KIF17: variants seen among roughly 807,000 people sequenced by gnomAD.
The protein encoded by KIF17 is kinesin family member 17.
KIF17 carries 80 observed loss-of-function variants against 96.8 expected under a neutral mutation model. The ratio of observed to expected loss-of-function variants is 0.83; its 90% CI spans 0.69 to 1.00. The LOEUF (loss-of-function observed/expected upper bound fraction) is 1.00. KIF17 is among the 50% of genes least tolerant of loss of function. The pLI is 0.00. For missense variants in KIF17, 1,280 were observed against 1,372.9 expected (o/e 0.93, Z 1.07); for synonymous variants, 567 against 587.5 (o/e 0.97, Z 0.51).
intron 5 of KIF17, among the ~76,000 whole-genome samples, chr1:20,703,510 G>C (rs907069385): frequency 0.012 from 1,831 of 151,456 alleles, 39 homozygotes; most frequent in African/African-American, 0.042. Flanking sequence ...ATGGATGGAT[G>C]GATGGATGGA....
intron 5 of KIF17, among the ~76,000 whole-genome samples, chr1:20,702,094 C>T (rs1489079075): frequency 1.3e-5 from 2 of 152,166 alleles, no homozygotes; most frequent in Non-Finnish European, 2.9e-5. Flanking sequence ...TCGTGCTGAG[C>T]CCACACATGC....
At position 20,688,055 on chromosome 1, in the gene KIF17, G is replaced by GT. The variant is rs1298001366; in HGVS notation, c.1382-112dup. ...TGTTTTTTTTGTTTGTTTTTTTTTT[G>GT]TTTTTTTTTGAGACAGAGTCTTGCT... is the stretch of plus-strand genomic sequence containing the variant. On this transcript the variant is annotated intron_variant, in intron 7 of 14. Transcript: ENST00000400463. The GT allele has an allele frequency of 5.2e-3, 4,555 of 873,340 alleles. 72 individuals are homozygous for GT. The highest frequency in any genetic ancestry group is 0.044 in the African/African-American group (2,517 of 57,426). The allele number at this position is 873,340 out of a possible 1,614,324, so 54.1% of individuals were successfully genotyped here.
rs557515421 is a variant in KIF17, at chr1:20,664,488, T to C, written c.*96A>G. Reference sequence around the variant, plus strand: ...AGGGAGCCCTCAGGCCCCGGAGCGCTGTGTGGCAGGTGGGAGGAGACCTGG... The same window carrying C: ...AGGGAGCCCTCAGGCCCCGGAGCGCCGTGTGGCAGGTGGGAGGAGACCTGG... On this transcript the variant is annotated 3_prime_UTR_variant, in exon 15 of 15. Coordinates refer to ENST00000400463, the MANE Select transcript of KIF17 (RefSeq NM_001122819.3). 2.7e-4 allele frequency: 439 copies of C among 1,608,764 alleles called. 2 individuals carry two copies. The highest frequency in any genetic ancestry group is 2.0e-3 in the South Asian group (179 of 90,558).
At chr1:20,697,452 T>G (rs2054162194) in intron 6 of KIF17, among the ~76,000 whole-genome samples, 1 of 151,876 alleles carries the variant, frequency 6.6e-6, no homozygotes, top group Non-Finnish European at 1.5e-5. Context: ...CAAAAAAATT[T>G]AAAAATTAGC....
chr1:20,682,956 C>G, intron 10 of KIF17, 72 bp from the exon 11 acceptor site: 1 of 1,375,166 alleles, frequency 7.3e-7, no homozygotes, highest in Non-Finnish European at 1.0e-6. Flanking sequence ...CCAGCAGGCT[C>G]CAGGCTATGC....
At chr1:20,707,130 C>T (rs1014221831) in intron 4 of KIF17, among the ~76,000 whole-genome samples, 1 of 152,262 alleles carries the variant, frequency 6.6e-6, no homozygotes, top group East Asian at 1.9e-4. Context: ...GGTGCTGCCT[C>T]TTTGGGAAGC....
chr1:20,669,911 C>T lies in KIF17; in HGVS notation c.2790+510G>A, dbSNP rs1158684468. On this transcript the variant is annotated intron_variant, in intron 13 of 14. Coordinates refer to ENST00000400463, the MANE Select transcript of KIF17 (RefSeq NM_001122819.3). Reference sequence around the variant, plus strand: ...AAAAAAAAAAAAAAAAAAACAACCACCACCACCCATGCTTTAAGAACATGC... The same window carrying T: ...AAAAAAAAAAAAAAAAAAACAACCATCACCACCCATGCTTTAAGAACATGC... Among the ~76,000 whole-genome samples the T allele has an allele frequency of 2.4e-5, 3 of 127,248 alleles. No homozygotes were observed. The Admixed American group carries it at 2.5e-4, about 11-fold the overall frequency. The allele number at this position is 127,248 out of a possible 152,430, so 83.5% of individuals were successfully genotyped here.
rs939073184 is a variant in KIF17, at chr1:20,699,820, C to A, written c.1124-1332G>T. Among the ~76,000 whole-genome samples the A allele has an allele frequency of 2.0e-5, 3 of 152,044 alleles. No individual in the cohort carries two copies. ...TGATGGGCAGGACAGGTGGAGAAGT[C>A]CAAGAGGGATAATGCCAGATTGTGA... On this transcript the variant is annotated intron_variant, in intron 5 of 14. Transcript: ENST00000400463. This position sits in a 1 kb window ranked among gnomAD's most constrained non-coding sequence, Gnocchi z 4.3.
intron 13 of KIF17, among the ~76,000 whole-genome samples, chr1:20,667,553 T>C (rs926669990): frequency 2.0e-5 from 3 of 152,076 alleles, no homozygotes; most frequent in Admixed American, 2.0e-4. Context: ...TGTGGAAAAA[T>C]TGTCTTCCAC....
intron 11 of KIF17, among the ~76,000 whole-genome samples, chr1:20,682,169 C>T (rs1485008027): frequency 6.6e-6 from 1 of 152,016 alleles, no homozygotes; most frequent in Non-Finnish European, 1.5e-5. Context: ...CGCATGCGTG[C>T]ACACACATAC....
Position 20,709,160 on chromosome 1 carries a change from G to A in KIF17, c.670+479C>T, listed in dbSNP as rs1260962268. ...AATCCTAACACTTTGGGAGGCCAAG[G>A]CGGGAGTATTGCTTGAGCTCAGGAG... On this transcript the variant is annotated intron_variant, in intron 4 of 14. Coordinates refer to ENST00000400463, the MANE Select transcript of KIF17 (RefSeq NM_001122819.3). The surrounding 1 kb of genome is among the most constrained non-coding windows in gnomAD (Gnocchi z 4.7). 6.6e-6 allele frequency among the ~76,000 whole-genome samples: 1 copy of A among 152,194 alleles called. No individual in the cohort carries two copies. Among genetic ancestry groups the A allele is most frequent in the African/African-American group, 2.4e-5 (1 of 41,448 alleles).
chr1:20,707,809 G>A (rs1369683232), intron 4 of KIF17, among the ~76,000 whole-genome samples: 1 of 146,304 alleles, frequency 6.8e-6, no homozygotes, highest in Non-Finnish European at 1.5e-5. Context: ...GTGTGTGTGT[G>A]TGTGTGTGTG....
chr1:20,715,649 A>AG lies in KIF17; in HGVS notation c.232-11dup, dbSNP rs1182051558. The AG allele has an allele frequency of 6.2e-7, 1 of 1,613,710 alleles. No individual in the cohort carries two copies. The highest frequency in any genetic ancestry group is 2.2e-5 in the East Asian group (1 of 44,884). ...AGCCCTCAGTGACGCCCTGCATGGG[A>AG]GGAAGGCAGGACCCCGTGCTCAGTG... On this transcript the variant is annotated splice_polypyrimidine_tract_variant and intron_variant, in intron 1 of 14. Coordinates refer to ENST00000400463, the MANE Select transcript of KIF17 (RefSeq NM_001122819.3).
At position 20,683,026 on chromosome 1, in the gene KIF17, C is replaced by T. The variant is rs576701111; in HGVS notation, c.2232-142G>A. ...CACAGGGAGGGAAACCGAGGCTCGG[C>T]GACAGGACGCTGCTTGCTCAGGGTC... On this transcript the variant is annotated intron_variant, in intron 10 of 14. Transcript: ENST00000400463. The T allele has an allele frequency of 1.1e-4, 76 of 682,528 alleles. 1 individual carries two copies. Among genetic ancestry groups the T allele is most frequent in the African/African-American group, 2.0e-4 (11 of 56,162 alleles). 42.3% of individuals were successfully genotyped at this position (682,528 alleles called of 1,614,324 possible).
Position 20,700,706 on chromosome 1 carries a change from G to A in KIF17, c.1124-2218C>T, listed in dbSNP as rs2054218743. On this transcript the variant is annotated intron_variant, in intron 5 of 14. Transcript: ENST00000400463. This position sits in a 1 kb window ranked among gnomAD's most constrained non-coding sequence, Gnocchi z 4.6. ...TGGGCAGGGTTAGACTGCCCTTCAG[G>A]GCGAGCGAATTCCTAGAAACCGTAA... Among the ~76,000 whole-genome samples the A allele has an allele frequency of 6.6e-6, 1 of 152,120 alleles. No individual in the cohort carries two copies. Among genetic ancestry groups the A allele is most frequent in the Non-Finnish European group, 1.5e-5 (1 of 68,026 alleles).
At chr1:20,701,102 G>A (rs945836902) in intron 5 of KIF17, among the ~76,000 whole-genome samples, 1 of 152,098 alleles carries the variant, frequency 6.6e-6, no homozygotes, top group African/African-American at 2.4e-5. Context: ...CCTTTCAGTG[G>A]CGCGGATCTC....
intron 11 of KIF17, among the ~76,000 whole-genome samples, chr1:20,676,224 A>C (rs1270661061): frequency 6.6e-6 from 1 of 152,228 alleles, no homozygotes; most frequent in Non-Finnish European, 1.5e-5. Flanking sequence ...TTTTCCCATG[A>C]TTGAAAATTA....
intron 4 of KIF17, among the ~76,000 whole-genome samples, chr1:20,706,897 AAAG>A (rs1411114916): frequency 6.6e-6 from 1 of 151,532 alleles, no homozygotes; most frequent in Non-Finnish European, 1.5e-5. Context: ...TCAAAAAAAA[AAAG>A]AAAGAAAAGT....
chr1:20,681,164 G>A (rs1412833954), intron 11 of KIF17, among the ~76,000 whole-genome samples: 2 of 135,414 alleles, frequency 1.5e-5, no homozygotes, highest in Non-Finnish European at 3.2e-5. Context: ...AAACTAAAGA[G>A]GTTAAAGAGG....
Sources: gnomAD v4.1 joint callset for allele counts (sites outside exome capture counted in the v4.1 genomes callset) on GRCh38, gnomAD v4.1.1 for gene constraint, Gnocchi (gnomAD v3.1) non-coding constraint, MANE v1.5 for transcripts, NCBI Gene and HGNC (gene_info 2026-07-23, HGNC 2026-07-21) for gene names.